The following DHRS7 variants were observed in gnomAD, a reference collection of about 807,000 sequenced individuals.
DHRS7 encodes dehydrogenase/reductase 7, also known as dehydrogenase/reductase SDR family member 7.
A neutral mutation model predicts 38.9 loss-of-function variants in DHRS7; 34 were observed. The observed-to-expected ratio is 0.87, with a 90% CI of 0.66 to 1.16. DHRS7 has a LOEUF of 1.16. Among genes scored for constraint, DHRS7 ranks in the 50% most tolerant of loss-of-function variants. DHRS7 has a pLI of 0.00. For synonymous variants in DHRS7, 158 were observed against 153.1 expected, an observed-to-expected ratio of 1.03 and a Z score of -0.24; for missense variants, 421 against 407.0, an observed-to-expected ratio of 1.03 and a Z score of -0.30.
chr14:60,156,034 C>G lies in DHRS7; in HGVS notation c.252G>C (p.Val84=). The change falls in exon 2 of 7, where the codon GTG becomes GTC. Residue 84 remains valine (V), a synonymous_variant. Coordinates refer to ENST00000557185, the MANE Select transcript of DHRS7 (RefSeq NM_016029.4). The part of the protein sequence containing the change: ...GVSLVLSARR[V]HELERVKRRC... ...TTCTTTTCACCCTTTCCAGCTCATG[C>G]ACTCTTCTGGCTGACAGCACAAGAG... The G allele has an allele frequency of 6.3e-7, 1 of 1,593,802 alleles. No individual in the cohort carries two copies. The highest frequency in any genetic ancestry group is 8.5e-7 in the Non-Finnish European group (1 of 1,170,522).
rs763279776 is a variant in DHRS7 at position 60,156,133 on chromosome 14, CAT to C, written c.151_152del (p.Met51GlyfsTer13). 6.3e-7 allele frequency: 1 copy of C among 1,593,682 alleles called. No individual in the cohort carries two copies. Among genetic ancestry groups the C allele is most frequent in the South Asian group, 1.1e-5 (1 of 88,306 alleles). ...GRRPEWELTD[M>X]VVWVTGASSG... ...TCGAGGCTCCAGTCACCCACACCACCATATCAGTCAGCTCCCATTCTATGGAA... is the reference window on the plus strand; with the variant it reads ...TCGAGGCTCCAGTCACCCACACCACCATCAGTCAGCTCCCATTCTATGGAA... On this transcript the variant is annotated frameshift_variant, in exon 2 of 7. Coordinates refer to ENST00000557185, the MANE Select transcript of DHRS7 (RefSeq NM_016029.4). LOFTEE classifies it high-confidence loss of function.
chr14:60,163,618 A>G (rs1012203214), intron 1 of DHRS7, among the ~76,000 whole-genome samples: 1 of 152,236 alleles, frequency 6.6e-6, no homozygotes, highest in African/African-American at 2.4e-5. Flanking sequence ...ATATTAAATG[A>G]ATTTCTTAAA....
rs1172612441 is a variant in DHRS7 at position 60,156,172 on chromosome 14, G to A, written c.134-20C>T. On this transcript the variant is annotated intron_variant, in intron 1 of 6. Transcript: ENST00000557185. ...CCCATTCTATGGAAGGAATGTAAATGGAAGGAAGAAAATAAGCAATGAATT... is the reference window on the plus strand; with the variant it reads ...CCCATTCTATGGAAGGAATGTAAATAGAAGGAAGAAAATAAGCAATGAATT... The A allele has an allele frequency of 3.3e-6, 5 of 1,520,624 alleles. No homozygotes were observed. The highest frequency in any genetic ancestry group is 4.4e-6 in the Non-Finnish European group (5 of 1,136,042). The allele number at this position is 1,520,624 out of a possible 1,614,324, so 94.2% of individuals were successfully genotyped here. A position where few individuals can be genotyped will look rare whatever the true frequency, so the allele number is the denominator to read the frequency against.
At chr14:60,168,911 T>C (rs1461202675), upstream of DHRS7, 8 of 852,740 alleles carry the variant, frequency 9.4e-6, no homozygotes, top group Non-Finnish European at 1.2e-5. Context: ...TTAGTCTAAC[T>C]AACCCATTGA....
intron 1 of DHRS7, chr14:60,159,044 AT>A: frequency 4.3e-6 from 2 of 461,450 alleles, no homozygotes; most frequent in African/African-American, 2.0e-5. Flanking sequence ...TTCATCAAGG[AT>A]TTTGTATCCA....
In DHRS7 at chr14:60,165,151, C is replaced by G; in HGVS notation, c.133+26G>C. The G allele has an allele frequency of 6.2e-7, 1 of 1,610,128 alleles. No individual in the cohort carries two copies. Among genetic ancestry groups the G allele is most frequent in the South Asian group, 1.1e-5 (1 of 90,580 alleles). On this transcript the variant is annotated intron_variant, in intron 1 of 6. Transcript: ENST00000557185. The surrounding 1 kb of genome is among the most constrained non-coding windows in gnomAD (Gnocchi z 4.6). ...GCAGCTCCGAGCCCGGCCTCCCACT[C>G]GGGAGAGGCTTTGGCCGGTCCTCAC...
At chr14:60,156,447 A>T (rs577560991) in intron 1 of DHRS7, among the ~76,000 whole-genome samples, 57 of 152,288 alleles carry the variant, frequency 3.7e-4, no homozygotes, top group Non-Finnish European at 6.2e-4. Context: ...TCATGGTTTC[A>T]CTCTAAGGCT....
rs917896223 is a variant in DHRS7 at position 60,144,750 on chromosome 14, A to G, written c.*216T>C. The G allele has an allele frequency of 2.8e-5, 14 of 501,290 alleles. No homozygotes were observed. The highest frequency in any genetic ancestry group is 4.8e-5 in the Non-Finnish European group (14 of 288,860). The allele number at this position is 501,290 out of a possible 1,614,324, so 31.1% of individuals were successfully genotyped here. On this transcript the variant is annotated 3_prime_UTR_variant, in exon 7 of 7. Coordinates refer to ENST00000557185, the MANE Select transcript of DHRS7 (RefSeq NM_016029.4). The stretch of plus-strand genomic sequence containing the variant: ...CTAAAGTATTTTAAAAGGTTATTTT[A>G]TCCAAGAATATAGTATGAGTTAATA...
rs536150807 is a variant in DHRS7, at chr14:60,162,272, C to T, written c.133+2905G>A. 1.3e-5 allele frequency among the ~76,000 whole-genome samples: 2 copies of T among 151,954 alleles called. No individual in the cohort carries two copies. The highest frequency in any genetic ancestry group is 4.2e-4 in the South Asian group (2 of 4,818). On this transcript the variant is annotated intron_variant, in intron 1 of 6. Transcript: ENST00000557185. This position sits in a 1 kb window ranked among gnomAD's most constrained non-coding sequence, Gnocchi z 4.5. ...CCTGTAGTCCTAGCTACTGGGGAGG[C>T]TGAGGTGGGAGGATTGCCTGAGCCC...
chr14:60,156,348 A>G (rs1201516788), intron 1 of DHRS7, among the ~76,000 whole-genome samples, 196 bp from the exon 2 acceptor site: 1 of 152,114 alleles, frequency 6.6e-6, no homozygotes, highest in South Asian at 2.1e-4. Flanking sequence ...AATACAAATC[A>G]TACTAGTAAC....
chr14:60,166,978 T>C (rs1595205434), upstream of DHRS7, among the ~76,000 whole-genome samples: 1 of 135,976 alleles, frequency 7.4e-6, no homozygotes, highest in Non-Finnish European at 1.6e-5. Flanking sequence ...AGAAGAGTAG[T>C]GGGAGGGTTG....
In DHRS7 at chr14:60,165,099, A is replaced by T; in HGVS notation, c.133+78T>A. ...CACAAAGGACCCGGGATCACTGCAGAACCCCCGGAGACCCGGACACGCCTC... is the reference window on the plus strand; with the variant it reads ...CACAAAGGACCCGGGATCACTGCAGTACCCCCGGAGACCCGGACACGCCTC... On this transcript the variant is annotated intron_variant, in intron 1 of 6. Coordinates refer to ENST00000557185, the MANE Select transcript of DHRS7 (RefSeq NM_016029.4). This position sits in a 1 kb window ranked among gnomAD's most constrained non-coding sequence, Gnocchi z 4.6. 1 of 1,555,434 alleles carries T rather than the reference A, an allele frequency of 6.4e-7. No homozygotes were observed.
rs399535 is a variant in DHRS7, at chr14:60,144,930, C to T, written c.*36G>A. The T allele has an allele frequency of 0.18, 283,768 of 1,536,480 alleles. 34,838 individuals carry two copies. The highest frequency in any genetic ancestry group is 0.52 in the African/African-American group (37,106 of 71,812). On this transcript the variant is annotated 3_prime_UTR_variant, in exon 7 of 7. Coordinates refer to ENST00000557185, the MANE Select transcript of DHRS7 (RefSeq NM_016029.4). Reference sequence around the variant, plus strand: ...ATTGCTGTTTTCATGTTTTCCATTTCTCCCTCCAGTGGCTTGAAAAGTACA... The same window carrying T: ...ATTGCTGTTTTCATGTTTTCCATTTTTCCCTCCAGTGGCTTGAAAAGTACA...
Position 60,153,283 on chromosome 14 carries a change from G to T in DHRS7, c.394-105C>A. The T allele has an allele frequency of 1.6e-6, 2 of 1,278,446 alleles. No individual in the cohort carries two copies. The highest frequency in any genetic ancestry group is 2.5e-5 in the East Asian group (1 of 40,696). 79.2% of individuals were successfully genotyped at this position (1,278,446 alleles called of 1,614,324 possible). A position where few individuals can be genotyped will look rare whatever the true frequency, so the allele number is the denominator to read the frequency against. ...TATTTTGTTAACTTAAAGAATCAAT[G>T]GAACAATGGTATATTTCCAGAAGTC... On this transcript the variant is annotated intron_variant, in intron 3 of 6. Coordinates refer to ENST00000557185, the MANE Select transcript of DHRS7 (RefSeq NM_016029.4). The surrounding 1 kb of genome is among the most constrained non-coding windows in gnomAD (Gnocchi z 4.4).
At chr14:60,149,916 C>A in intron 5 of DHRS7, 149 bp downstream of exon 5, 1 of 813,324 alleles carries the variant, frequency 1.2e-6, no homozygotes, top group East Asian at 2.7e-5. Context: ...ATTCCATAAA[C>A]AATTTTCATA....
In DHRS7 at chr14:60,153,121, T is replaced by A; in HGVS notation, c.451A>T (p.Ser151Cys). ...MSQRSLCMDT[S>C]LDVYRKLIEL... ...ATTAGCTTTCTGTAGACATCCAAGCTGGTATCCATGCACAGAGAACGCTGG... is the reference window on the plus strand; with the variant it reads ...ATTAGCTTTCTGTAGACATCCAAGCAGGTATCCATGCACAGAGAACGCTGG... The change falls in exon 4 of 7, where the codon AGC (serine) becomes TGC (cysteine). Residue 151 changes from serine (S) to cysteine (C), a missense_variant. By Grantham distance (112) the Ser-to-Cys change is moderately radical (BLOSUM62 -1). Transcript: ENST00000557185. The surrounding 1 kb of genome is among the most constrained non-coding windows in gnomAD (Gnocchi z 4.4). 6.2e-7 allele frequency: 1 copy of A among 1,614,162 alleles called. No individual in the cohort carries two copies. Among genetic ancestry groups the A allele is most frequent in the African/African-American group, 1.3e-5 (1 of 75,052 alleles).
Position 60,153,559 on chromosome 14 carries a change from G to A in DHRS7, c.394-381C>T, listed in dbSNP as rs1896593833. 6.6e-6 allele frequency among the ~76,000 whole-genome samples: 1 copy of A among 152,124 alleles called. No homozygotes were observed. The highest frequency in any genetic ancestry group is 1.5e-5 in the Non-Finnish European group (1 of 68,026). On this transcript the variant is annotated intron_variant, in intron 3 of 6. Coordinates refer to ENST00000557185, the MANE Select transcript of DHRS7 (RefSeq NM_016029.4). This position sits in a 1 kb window ranked among gnomAD's most constrained non-coding sequence, Gnocchi z 4.4. ...AAAAATATAAAAATTAGCTGGGCGT[G>A]ATGGTGCATGCCTGTAATCCCAGCT... is the stretch of plus-strand genomic sequence containing the variant.
intron 1 of DHRS7, 47 bp from the exon 2 acceptor site, chr14:60,156,199 C>T (rs768131462): frequency 1.2e-5 from 17 of 1,421,612 alleles, no homozygotes; most frequent in Admixed American, 5.3e-5. Flanking sequence ...CAATGAATTA[C>T]GCTCATAAAT....
rs1896343307 is a variant in DHRS7 at position 60,144,230 on chromosome 14, A to G, written c.*736T>C. The G allele has an allele frequency of 6.6e-6, 1 of 152,240 alleles. No individual in the cohort carries two copies. Among genetic ancestry groups the G allele is most frequent in the African/African-American group, 2.4e-5 (1 of 41,452 alleles). 9.4% of individuals were successfully genotyped at this position (152,240 alleles called of 1,614,324 possible). A position where few individuals can be genotyped will look rare whatever the true frequency, so the allele number is the denominator to read the frequency against. On this transcript the variant is annotated 3_prime_UTR_variant, in exon 7 of 7. Coordinates refer to ENST00000557185, the MANE Select transcript of DHRS7 (RefSeq NM_016029.4). Reference sequence around the variant, plus strand: ...TGTCAACTTTTCTAAGAGTATAAGCATCTTGGAGGTAAGGTCATTTCAAAT... The same window carrying G: ...TGTCAACTTTTCTAAGAGTATAAGCGTCTTGGAGGTAAGGTCATTTCAAAT...
Sources: gnomAD v4.1 joint callset for allele counts (sites outside exome capture counted in the v4.1 genomes callset) on GRCh38, gnomAD v4.1.1 for gene constraint, Gnocchi (gnomAD v3.1) non-coding constraint, MANE v1.5 for transcripts, NCBI Gene and HGNC (gene_info 2026-07-23, HGNC 2026-07-21) for gene names.